The following ANK2 variants were observed in gnomAD, a reference collection of about 807,000 sequenced individuals.
ANK2 encodes ankyrin-2.
Under a neutral mutation model 360.5 loss-of-function variants are expected in ANK2, and 83 were observed. The observed-to-expected ratio is 0.23, with a 90% CI of 0.19 to 0.28. ANK2 has a LOEUF of 0.28. ANK2 is among the 10% of genes least tolerant of loss of function. The pLI is 1.00. For synonymous variants in ANK2, 1,740 were observed against 1,759.5 expected, an observed-to-expected ratio of 0.99 and a Z score of 0.28; for missense variants, 4,201 against 4,795.7, an observed-to-expected ratio of 0.88 and a Z score of 3.66.
chr4:112,951,071 G>A (rs2094942756), intron 2 of ANK2, among the ~76,000 whole-genome samples: 2 of 111,880 alleles, frequency 1.8e-5, no homozygotes, highest in African/African-American at 3.8e-5. Context: ...GACAGAGCGA[G>A]CCTCCGTCTC....
At chr4:113,362,630 T>A (rs1479375344) in intron 39 of ANK2, among the ~76,000 whole-genome samples, 2 of 152,088 alleles carry the variant, frequency 1.3e-5, no homozygotes, top group African/African-American at 4.8e-5. Context: ...AATTATTTTT[T>A]GTAGAAATGA....
upstream of ANK2, among the ~76,000 whole-genome samples, chr4:112,815,350 C>T (rs999025369): frequency 1.3e-5 from 2 of 152,048 alleles, no homozygotes; most frequent in Non-Finnish European, 2.9e-5. Flanking sequence ...AATAGGTGTT[C>T]AATTAAATAA....
chr4:112,872,320 G>A (rs913578410), intron 1 of ANK2, among the ~76,000 whole-genome samples: 3 of 151,470 alleles, frequency 2.0e-5, no homozygotes, highest in Admixed American at 6.6e-5. Context: ...GTCAGCCACC[G>A]TGTCCAGTCT....
the ANK2 span, among the ~76,000 whole-genome samples, chr4:112,736,464 CAAA>C: frequency 8.0e-4 from 102 of 127,596 alleles, 1 homozygote; most frequent in Middle Eastern, 4.4e-3. Flanking sequence ...GACTCCGTCT[CAAA>C]AAAAAAAAAA....
intron 2 of ANK2, among the ~76,000 whole-genome samples, chr4:113,009,603 T>C (rs1373379899): frequency 6.6e-6 from 1 of 152,128 alleles, no homozygotes; most frequent in Non-Finnish European, 1.5e-5. Flanking sequence ...TTCCCGATCA[T>C]GAGCATCCCA....
At chr4:112,778,178 C>T in the ANK2 span, among the ~76,000 whole-genome samples, 1 of 151,738 alleles carries the variant, frequency 6.6e-6, no homozygotes, top group African/African-American at 2.4e-5. Context: ...CCATGTTGAC[C>T]AGGCTGGTCT....
chr4:112,843,163 G>A lies in ANK2; in HGVS notation c.-40+24899G>A, dbSNP rs560348192. Among the ~76,000 whole-genome samples the A allele has an allele frequency of 9.2e-5, 14 of 152,308 alleles. No homozygotes were observed. In the East Asian group the frequency reaches 1.5e-3, roughly 17 times the overall value. On this transcript the variant is annotated intron_variant, in intron 1 of 30. Transcript: ENST00000503271. ...TAATCACACATGCAAAGTCCCGTTT[G>A]CCGTATAAAATGACATTTAAGGGTT...
At chr4:112,800,930 C>T in the ANK2 span, among the ~76,000 whole-genome samples, 1 of 152,200 alleles carries the variant, frequency 6.6e-6, no homozygotes, top group Non-Finnish European at 1.5e-5. Context: ...GCTGGGATCA[C>T]AGACAGGAGC....
At chr4:112,733,905 G>T in the ANK2 span, among the ~76,000 whole-genome samples, 1 of 152,158 alleles carries the variant, frequency 6.6e-6, no homozygotes, top group African/African-American at 2.4e-5. Flanking sequence ...CTCCCAAGTA[G>T]CTGGGAATAC....
At chr4:112,864,772 C>G (rs879774263) in intron 1 of ANK2, among the ~76,000 whole-genome samples, 2 of 151,268 alleles carry the variant, frequency 1.3e-5, no homozygotes, top group Admixed American at 1.3e-4. Flanking sequence ...GTGGCTCAAG[C>G]CTGTAATACT....
chr4:112,931,068 T>C (rs529593320), intron 2 of ANK2, among the ~76,000 whole-genome samples: 1 of 152,052 alleles, frequency 6.6e-6, no homozygotes, highest in South Asian at 2.1e-4. Flanking sequence ...AAGGTATGAG[T>C]TGTAGATAGG....
chr4:113,249,981 G>A, intron 10 of ANK2, 119 bp downstream of exon 10: 4 of 916,294 alleles, frequency 4.4e-6, no homozygotes, highest in Non-Finnish European at 5.2e-6. Flanking sequence ...TAATAATTGT[G>A]TGCTAGGAAT....
intron 4 of ANK2, among the ~76,000 whole-genome samples, chr4:113,219,668 C>A (rs2099128211): frequency 6.6e-6 from 1 of 151,768 alleles, no homozygotes; most frequent in African/African-American, 2.4e-5. Flanking sequence ...ACTTGAAAAT[C>A]TATTTTAGAT....
At chr4:113,223,850 G>A (rs997892314) in intron 4 of ANK2, among the ~76,000 whole-genome samples, 10 of 152,154 alleles carry the variant, frequency 6.6e-5, no homozygotes, top group African/African-American at 2.4e-4. Flanking sequence ...TTCTCATAAG[G>A]TTGTAGTGAA....
chr4:113,317,656 A>C, intron 24 of ANK2, 51 bp from the exon 25 acceptor site: 1 of 1,438,116 alleles, frequency 7.0e-7, no homozygotes, highest in Non-Finnish European at 9.8e-7. Context: ...TTGTCATCCC[A>C]ACCCTGCTAC....
At chr4:112,838,486 T>A (rs1185477463) in intron 1 of ANK2, among the ~76,000 whole-genome samples, 2 of 152,200 alleles carry the variant, frequency 1.3e-5, no homozygotes, top group African/African-American at 4.8e-5. Context: ...TAACCCTGAG[T>A]TGTGGAACTA....
intron 5 of ANK2, among the ~76,000 whole-genome samples, chr4:113,232,608 A>G (rs892397645): frequency 3.1e-4 from 47 of 152,194 alleles, no homozygotes; most frequent in Non-Finnish European, 4.4e-5. Flanking sequence ...AGGATCCAAT[A>G]TAATTCCTTA....
chr4:113,268,196 A>C (rs923755815), intron 14 of ANK2, among the ~76,000 whole-genome samples: 2 of 152,146 alleles, frequency 1.3e-5, no homozygotes, highest in Admixed American at 1.3e-4. Flanking sequence ...TCATTTGCAA[A>C]CAGAGACAAT....
chr4:112,755,087 A>T, the ANK2 span, among the ~76,000 whole-genome samples: 1 of 152,218 alleles, frequency 6.6e-6, no homozygotes, highest in African/African-American at 2.4e-5. Context: ...CCTTGTGGCA[A>T]GAATGACTTC....
Sources: allele counts gnomAD v4.1 joint callset (sites outside exome capture counted in the v4.1 genomes callset), GRCh38; gene constraint gnomAD v4.1.1; transcripts MANE v1.5; gene names NCBI Gene and HGNC (gene_info 2026-07-23, HGNC 2026-07-21).